WDR70: variants seen among roughly 807,000 people sequenced by gnomAD.
The protein encoded by WDR70 is WD repeat domain 70, also known as WD repeat-containing protein 70.
In WDR70, 53 loss-of-function variants were observed where a neutral mutation model predicts 88.6. That is an observed-to-expected ratio of 0.60 (90% CI 0.48 to 0.75). The LOEUF is 0.75. WDR70 is among the 30% of genes least tolerant of loss of function. The pLI is 0.00. For missense variants in WDR70, 610 were observed against 823.2 expected (o/e 0.74, Z 3.17); for synonymous variants, 280 against 270.0 (o/e 1.04, Z -0.36).
chr5:37,438,823 T>A (rs2112041288), intron 6 of WDR70, among the ~76,000 whole-genome samples: 1 of 152,246 alleles, frequency 6.6e-6, no homozygotes, highest in South Asian at 2.1e-4. Flanking sequence ...ATGGAAAAGA[T>A]GTAAAAATCT....
intron 5 of WDR70, among the ~76,000 whole-genome samples, chr5:37,421,571 T>C (rs979836895): frequency 1.3e-5 from 2 of 152,242 alleles, no homozygotes; most frequent in Admixed American, 6.5e-5. Flanking sequence ...ACCTTCTCTT[T>C]TGTGCTACCT....
At chr5:37,564,118 C>A (rs1388431930) in intron 9 of WDR70, among the ~76,000 whole-genome samples, 3 of 149,824 alleles carry the variant, frequency 2.0e-5, no homozygotes, top group Admixed American at 1.3e-4. Flanking sequence ...ACTTCCCAGA[C>A]GGGGTGGCGG....
chr5:37,562,495 G>A (rs1195067824), intron 9 of WDR70, among the ~76,000 whole-genome samples: 1 of 151,594 alleles, frequency 6.6e-6, no homozygotes, highest in African/African-American at 2.4e-5. Flanking sequence ...TCCCAGAGGG[G>A]GATTTGGCAG....
intron 9 of WDR70, among the ~76,000 whole-genome samples, chr5:37,542,341 G>A (rs1459910089): frequency 1.3e-5 from 2 of 150,376 alleles, no homozygotes; most frequent in Admixed American, 6.6e-5. Flanking sequence ...GTGCAGTGGC[G>A]TGATCTCGGC....
chr5:37,481,402 C>T lies in WDR70; in HGVS notation c.840+1415C>T, dbSNP rs185248319. 2.3e-3 allele frequency among the ~76,000 whole-genome samples: 356 copies of T among 152,256 alleles called. 1 individual carries two copies. The highest frequency in any genetic ancestry group is 3.5e-3 in the Non-Finnish European group (237 of 68,018). On this transcript the variant is annotated intron_variant, in intron 8 of 17. Transcript: ENST00000265107. Reference sequence around the variant, plus strand: ...TTTCATACATCTTCTGAAATCTAGGCGGAGGTTCACGAACCTTAATTCTTG... The same window carrying T: ...TTTCATACATCTTCTGAAATCTAGGTGGAGGTTCACGAACCTTAATTCTTG...
intron 9 of WDR70, among the ~76,000 whole-genome samples, chr5:37,597,270 C>T (rs1743731514): frequency 6.6e-6 from 1 of 152,090 alleles, no homozygotes; most frequent in South Asian, 2.1e-4. Context: ...TTATAAGAAA[C>T]TGTTTTCCAC....
intron 9 of WDR70, among the ~76,000 whole-genome samples, chr5:37,597,587 C>G (rs754227058): frequency 6.6e-6 from 1 of 152,118 alleles, no homozygotes; most frequent in Non-Finnish European, 1.5e-5. Context: ...ATTCTGGATA[C>G]AAGTTAACAC....
chr5:37,513,429 A>G (rs1382247730), intron 8 of WDR70, among the ~76,000 whole-genome samples: 1 of 152,196 alleles, frequency 6.6e-6, no homozygotes, highest in African/African-American at 2.4e-5. Flanking sequence ...ACTGAAAGGA[A>G]GGAAGTGGCT....
chr5:37,417,774 T>C (rs1280948617), intron 5 of WDR70, among the ~76,000 whole-genome samples: 3 of 152,168 alleles, frequency 2.0e-5, no homozygotes, highest in Admixed American at 2.0e-4. Flanking sequence ...CTTGAGCTCC[T>C]TGGCTCAAGT....
At chr5:37,415,470 C>A (rs1749686112) in intron 5 of WDR70, among the ~76,000 whole-genome samples, 2 of 84,534 alleles carry the variant, frequency 2.4e-5, no homozygotes, top group East Asian at 3.4e-4. Flanking sequence ...CTGATCCCCC[C>A]ACCTCCCTCC....
intron 7 of WDR70, among the ~76,000 whole-genome samples, chr5:37,464,482 T>TAA (rs1254676709): frequency 3.3e-5 from 5 of 152,262 alleles, no homozygotes; most frequent in African/African-American, 1.2e-4. Context: ...TTGCTAGCTA[T>TAA]AATAGGGTTT....
chr5:37,527,607 G>A (rs1741327774), intron 9 of WDR70, among the ~76,000 whole-genome samples: 1 of 152,140 alleles, frequency 6.6e-6, no homozygotes, highest in Non-Finnish European at 1.5e-5. Flanking sequence ...AAAAGCAATG[G>A]CAATGAAAGC....
At chr5:37,593,264 C>T (rs1374858073) in intron 9 of WDR70, among the ~76,000 whole-genome samples, 12 of 152,270 alleles carry the variant, frequency 7.9e-5, no homozygotes, top group South Asian at 4.1e-4. Flanking sequence ...CCCATGAACA[C>T]GTCATTTACA....
Position 37,701,043 on chromosome 5 carries a change from TC to T in WDR70, c.1193-14del. 2 of 1,561,066 alleles carry T rather than the reference TC, an allele frequency of 1.3e-6. No homozygotes were observed. Among genetic ancestry groups the T allele is most frequent in the Non-Finnish European group, 1.8e-6 (2 of 1,132,856 alleles). ...TCACTTTTCTGTCTTTTTTTTCCCC[TC>T]ATTCCTCTGTCAGGTGACGATTCAT... On this transcript the variant is annotated splice_polypyrimidine_tract_variant and intron_variant, in intron 11 of 17. Coordinates refer to ENST00000265107, the MANE Select transcript of WDR70 (RefSeq NM_018034.4).
chr5:37,678,486 T>TA (rs1180812738), intron 10 of WDR70, among the ~76,000 whole-genome samples: 29 of 152,198 alleles, frequency 1.9e-4, no homozygotes, highest in Admixed American at 1.6e-3. Context: ...CTCCTTCACT[T>TA]ATGAAGCTTA....
At chr5:37,706,716 TAC>T (rs58482881) in intron 13 of WDR70, among the ~76,000 whole-genome samples, 92 of 149,874 alleles carry the variant, frequency 6.1e-4, no homozygotes, top group African/African-American at 1.8e-3. Context: ...AACAGAGTAA[TAC>T]ACACACACAC....
chr5:37,413,182 A>T (rs192521162), intron 5 of WDR70, among the ~76,000 whole-genome samples: 6 of 152,258 alleles, frequency 3.9e-5, no homozygotes, highest in African/African-American at 9.6e-5. Context: ...CGAAACTGCT[A>T]ATGTGTGAAA....
intron 9 of WDR70, among the ~76,000 whole-genome samples, chr5:37,561,574 C>T (rs1314071059): frequency 6.6e-6 from 1 of 152,162 alleles, no homozygotes; most frequent in African/African-American, 2.4e-5. Flanking sequence ...TCATTTGTGG[C>T]AGCTGCTTTG....
At chr5:37,437,758 T>C (rs1750514394) in intron 5 of WDR70, among the ~76,000 whole-genome samples, 164 bp from the exon 6 acceptor site, 1 of 152,128 alleles carries the variant, frequency 6.6e-6, no homozygotes. Context: ...TATCTAGAAG[T>C]GTAGAAAAAA....
Sources: gnomAD v4.1 joint callset for allele counts (sites outside exome capture counted in the v4.1 genomes callset) on GRCh38, gnomAD v4.1.1 for gene constraint, MANE v1.5 for transcripts, NCBI Gene and HGNC (gene_info 2026-07-23, HGNC 2026-07-21) for gene names.